The following RERE variants were observed in gnomAD, a reference collection of about 807,000 sequenced individuals.
RERE encodes the protein arginine-glutamic acid dipeptide repeats, also known as arginine-glutamic acid dipeptide repeats protein.
In RERE, 40 loss-of-function variants were observed where a neutral mutation model predicts 146.1. That is an observed-to-expected ratio of 0.27 (90% confidence interval 0.21 to 0.36). The LOEUF is 0.36. Among genes scored for constraint, RERE ranks in the 10% least tolerant of loss-of-function variants. The pLI is 1.00. For missense variants in RERE, 1,933 were observed against 2,138.7 expected, an observed-to-expected ratio of 0.90 and a Z score of 1.90; for synonymous variants, 1,003 against 866.0, an observed-to-expected ratio of 1.16 and a Z score of -2.78.
intron 7 of RERE, among the ~76,000 whole-genome samples, chr1:8,532,252 T>C (rs1249206902): frequency 1.3e-5 from 2 of 152,204 alleles, no homozygotes; most frequent in East Asian, 1.9e-4. Flanking sequence ...GTTCATAAGA[T>C]TGAACCTATA....
At chr1:8,745,720 G>A (rs1328122149) in intron 1 of RERE, among the ~76,000 whole-genome samples, 1 of 152,030 alleles carries the variant, frequency 6.6e-6, no homozygotes, top group South Asian at 2.1e-4. Flanking sequence ...CCATGTCTTG[G>A]CATACATACT....
At chr1:8,714,369 T>C (rs1317883572) in intron 1 of RERE, among the ~76,000 whole-genome samples, 1 of 152,246 alleles carries the variant, frequency 6.6e-6, no homozygotes, top group Non-Finnish European at 1.5e-5. Context: ...TTCTGTATTA[T>C]GCTCTGGCGT....
intron 4 of RERE, among the ~76,000 whole-genome samples, chr1:8,604,870 C>T (rs1326988016): frequency 1.3e-5 from 2 of 152,228 alleles, no homozygotes; most frequent in African/African-American, 4.8e-5. Flanking sequence ...ACATCTGCTT[C>T]TGTGCTAAAC....
rs556447662 is a variant in RERE at position 8,654,640 on chromosome 1, G to GTT, written c.325+1331_325+1332dup. 2.0e-3 allele frequency among the ~76,000 whole-genome samples: 284 copies of GTT among 141,760 alleles called. 1 individual carries two copies. The highest frequency in any genetic ancestry group is 7.2e-3 in the Middle Eastern group (2 of 278). The allele number at this position is 141,760 out of a possible 152,430, so 93.0% of individuals were successfully genotyped here. A position where few individuals can be genotyped will look rare whatever the true frequency, so the allele number is the denominator to read the frequency against. ...AAAGGATCTTGTTTTGTTTTTTTTT[G>GTT]TTTTTTTTTTTGAGACAGGGTCTTG... is the stretch of plus-strand genomic sequence containing the variant. On this transcript the variant is annotated intron_variant, in intron 2 of 22. Transcript: ENST00000400908.
At chr1:8,465,049 C>A (rs1412159552) in intron 11 of RERE, 1 of 152,230 alleles carries the variant, frequency 6.6e-6, no homozygotes, top group Non-Finnish European at 1.5e-5. Context: ...TAGTGCCAGC[C>A]TTCATTTAAA....
At chr1:8,681,432 T>G (rs1055454817) in intron 1 of RERE, among the ~76,000 whole-genome samples, 14 of 152,222 alleles carry the variant, frequency 9.2e-5, no homozygotes, top group African/African-American at 3.4e-4. Flanking sequence ...TCAGTTTAGC[T>G]AAGCTTTCAT....
At chr1:8,691,109 G>A (rs377584203) in intron 1 of RERE, among the ~76,000 whole-genome samples, 2 of 152,126 alleles carry the variant, frequency 1.3e-5, no homozygotes, top group South Asian at 2.1e-4. Context: ...TGTTGGCCAG[G>A]ATGGTCTCGA....
rs533691226 is a variant in RERE, at chr1:8,608,127, A to G, written c.522+6434T>C. Among the ~76,000 whole-genome samples the G allele has an allele frequency of 6.7e-5, 10 of 150,290 alleles. No individual in the cohort carries two copies. The East Asian group carries it at 1.8e-3, about 27-fold the overall frequency. ...TGGTCTTGAACTCCTGGCCTCAAGC[A>G]CTCCTCTCTCCTCAGCCTCCCAAGG... On this transcript the variant is annotated intron_variant, in intron 4 of 22. Coordinates refer to ENST00000400908, the MANE Select transcript of RERE (RefSeq NM_001042681.2).
In RERE at chr1:8,414,877, G is replaced by C. The variant is rs150367178; in HGVS notation, c.1284+7850C>G. 3.3e-5 allele frequency among the ~76,000 whole-genome samples: 5 copies of C among 152,152 alleles called. No homozygotes were observed. In the East Asian group the frequency reaches 9.7e-4, roughly 29 times the overall value. On this transcript the variant is annotated intron_variant, in intron 12 of 22. Transcript: ENST00000400908. ...AAAAAAAATCTTACTGGGAGTAGGG[G>C]GATGCCTTTCCCATGCTGAGCAGCT... is the stretch of plus-strand genomic sequence containing the variant.
chr1:8,790,758 G>C (rs1472870659), intron 1 of RERE, among the ~76,000 whole-genome samples: 1 of 152,120 alleles, frequency 6.6e-6, no homozygotes, highest in African/African-American at 2.4e-5. Flanking sequence ...TAATTTTTTT[G>C]TATTTTTAGT....
At chr1:8,528,211 C>T (rs1271847452) in intron 7 of RERE, among the ~76,000 whole-genome samples, 2 of 152,104 alleles carry the variant, frequency 1.3e-5, no homozygotes, top group Non-Finnish European at 2.9e-5. Flanking sequence ...AAACTGGCTT[C>T]TAACTCTTCA....
intron 4 of RERE, among the ~76,000 whole-genome samples, chr1:8,579,365 T>C (rs1387754578): frequency 6.6e-6 from 1 of 152,242 alleles, no homozygotes; most frequent in East Asian, 1.9e-4. Flanking sequence ...TATTACCGTA[T>C]TCTATAATTG....
intron 10 of RERE, among the ~76,000 whole-genome samples, chr1:8,470,125 AT>A (rs1644660947): frequency 6.6e-6 from 1 of 152,014 alleles, no homozygotes; most frequent in Non-Finnish European, 1.5e-5. Flanking sequence ...AAATATCCCT[AT>A]TCCTCAAAAA....
chr1:8,528,237 T>TA (rs905409268), intron 7 of RERE, among the ~76,000 whole-genome samples: 3 of 151,952 alleles, frequency 2.0e-5, no homozygotes, highest in African/African-American at 4.8e-5. Context: ...GTCGATGTCA[T>TA]AAAAAATCTT....
At chr1:8,417,835 C>G (rs1427183677) in intron 12 of RERE, among the ~76,000 whole-genome samples, 1 of 152,214 alleles carries the variant, frequency 6.6e-6, no homozygotes, top group African/African-American at 2.4e-5. Context: ...TCCAACCATG[C>G]TCATGTACTT....
intron 1 of RERE, among the ~76,000 whole-genome samples, chr1:8,776,765 C>CTGGA: frequency 6.6e-6 from 1 of 152,248 alleles, no homozygotes; most frequent in Non-Finnish European, 1.5e-5. Flanking sequence ...GTCACCCAGG[C>CTGGA]TGGAGTGCAG....
intron 6 of RERE, among the ~76,000 whole-genome samples, chr1:8,550,408 T>C (rs1645919080): frequency 6.6e-6 from 1 of 152,216 alleles, no homozygotes; most frequent in African/African-American, 2.4e-5. Context: ...AGGTCAAAGT[T>C]ATTTCACATA....
At chr1:8,475,310 G>A (rs942190423) in intron 10 of RERE, among the ~76,000 whole-genome samples, 1 of 151,698 alleles carries the variant, frequency 6.6e-6, no homozygotes, top group African/African-American at 2.4e-5. Flanking sequence ...GGAGGCGGAG[G>A]TTGCAGTTAG....
At chr1:8,626,765 C>G (rs6577508) in intron 2 of RERE, among the ~76,000 whole-genome samples, 2,307 of 152,292 alleles carry the variant, frequency 0.015, 60 homozygotes, top group African/African-American at 0.053. Flanking sequence ...CTGTAATAGA[C>G]AGTGCTCCTG....
Sources: gnomAD v4.1 joint callset for allele counts (sites outside exome capture counted in the v4.1 genomes callset) on GRCh38, gnomAD v4.1.1 for gene constraint, MANE v1.5 for transcripts, NCBI Gene and HGNC (gene_info 2026-07-23, HGNC 2026-07-21) for gene names.